Variants in SPOCK1 observed in about 807,000 individuals in gnomAD.
The protein encoded by SPOCK1 is SPARC (osteonectin), cwcv and kazal like domains proteoglycan 1, also known as testican-1.
A neutral mutation model predicts 55.3 loss-of-function variants in SPOCK1; 23 were observed. The ratio of observed to expected loss-of-function variants is 0.42; its 90% CI spans 0.30 to 0.59. The LOEUF (loss-of-function observed/expected upper bound fraction) is 0.59, where lower values mean the gene tolerates loss of function less well. Among genes scored for constraint, SPOCK1 ranks in the 20% least tolerant of loss-of-function variants. The pLI is 0.22. For synonymous variants in SPOCK1, 226 were observed against 221.0 expected (o/e 1.02, Z -0.20); for missense variants, 499 against 552.5 (o/e 0.90, Z 0.97).
At chr5:137,479,018 G>C (rs1418349351) in intron 2 of SPOCK1, among the ~76,000 whole-genome samples, 1 of 151,706 alleles carries the variant, frequency 6.6e-6, no homozygotes, top group Admixed American at 6.6e-5. Context: ...AGAAGGCGGT[G>C]GTCACCAGCC....
intron 2 of SPOCK1, among the ~76,000 whole-genome samples, chr5:137,427,115 T>C (rs1181186634): frequency 6.6e-6 from 1 of 152,200 alleles, no homozygotes; most frequent in Non-Finnish European, 1.5e-5. Flanking sequence ...TCTCATATTC[T>C]TTCCCCATTT....
chr5:137,331,425 G>A (rs976549839), intron 2 of SPOCK1, among the ~76,000 whole-genome samples: 2 of 152,192 alleles, frequency 1.3e-5, no homozygotes, highest in African/African-American at 4.8e-5. Context: ...CAAGAGAGAA[G>A]ATGACTCCAA....
At chr5:137,240,189 C>A (rs762326717) in intron 3 of SPOCK1, among the ~76,000 whole-genome samples, 4 of 152,176 alleles carry the variant, frequency 2.6e-5, no homozygotes, top group Non-Finnish European at 4.4e-5. Flanking sequence ...ATACCATGTT[C>A]TTGGACAGTG....
rs533303509 is a variant in SPOCK1 at position 137,422,543 on chromosome 5, C to A, written c.186+75830G>T. Among the ~76,000 whole-genome samples, 9 of 152,274 alleles carry A rather than the reference C, an allele frequency of 5.9e-5. No individual in the cohort carries two copies. The East Asian group carries it at 1.3e-3, about 23-fold the overall frequency. ...GCATCATTTCATTCATTTGATCTTCCATCACTGATACCCTTTCTTCCAGTT... is the reference window on the plus strand; with the variant it reads ...GCATCATTTCATTCATTTGATCTTCAATCACTGATACCCTTTCTTCCAGTT... On this transcript the variant is annotated intron_variant, in intron 2 of 10. Coordinates refer to ENST00000394945, the MANE Select transcript of SPOCK1 (RefSeq NM_004598.4).
chr5:137,073,987 C>T (rs1752674857), intron 5 of SPOCK1, among the ~76,000 whole-genome samples: 1 of 152,090 alleles, frequency 6.6e-6, no homozygotes, highest in East Asian at 1.9e-4. Context: ...GCATGTGCCT[C>T]CTAATATGCA....
rs910126406 is a variant in SPOCK1, at chr5:137,302,415, A to AAG, written c.187-35361_187-35360insCT. ...AAACCCCGTCTCTACTAAAAATACA[A>AAG]AAAAAAAAAAAATTAGCCAGGTGTG... On this transcript the variant is annotated intron_variant, in intron 2 of 10. Transcript: ENST00000394945. Among the ~76,000 whole-genome samples, 38 of 149,116 alleles carry AAG rather than the reference A, an allele frequency of 2.5e-4. 1 individual carries two copies. Among genetic ancestry groups the AAG allele is most frequent in the Admixed American group, 5.4e-4 (8 of 14,932 alleles).
At chr5:137,193,867 T>C (rs1755238574) in intron 3 of SPOCK1, among the ~76,000 whole-genome samples, 1 of 152,164 alleles carries the variant, frequency 6.6e-6, no homozygotes, top group Non-Finnish European at 1.5e-5. Flanking sequence ...TGGAGGGCTA[T>C]AGGTACAGGG....
chr5:137,429,552 T>C (rs1226966465), intron 2 of SPOCK1, among the ~76,000 whole-genome samples: 1 of 152,220 alleles, frequency 6.6e-6, no homozygotes, highest in East Asian at 1.9e-4. Context: ...GTGCATTCCC[T>C]AGCTCATAGT....
chr5:137,384,669 T>A (rs1207212142), intron 2 of SPOCK1, among the ~76,000 whole-genome samples: 1 of 151,944 alleles, frequency 6.6e-6, no homozygotes, highest in African/African-American at 2.4e-5. Context: ...AATTCTTTCT[T>A]ACCTCTTCCA....
intron 2 of SPOCK1, among the ~76,000 whole-genome samples, chr5:137,327,590 T>G (rs937380123): frequency 6.6e-6 from 1 of 152,234 alleles, no homozygotes; most frequent in Non-Finnish European, 1.5e-5. Flanking sequence ...AGTCTTTCAA[T>G]GGTGTCTTGC....
chr5:137,189,073 A>T (rs1390584185), intron 3 of SPOCK1, among the ~76,000 whole-genome samples: 1 of 152,262 alleles, frequency 6.6e-6, no homozygotes, highest in Non-Finnish European at 1.5e-5. Flanking sequence ...GTTTGAAGCT[A>T]GCAGATATTG....
At chr5:137,192,332 G>A (rs1049218794) in intron 3 of SPOCK1, among the ~76,000 whole-genome samples, 4 of 151,306 alleles carry the variant, frequency 2.6e-5, no homozygotes, top group Non-Finnish European at 5.9e-5. Flanking sequence ...GGAATGAGTT[G>A]TGCAGGAGAG....
intron 2 of SPOCK1, among the ~76,000 whole-genome samples, chr5:137,475,908 G>A (rs1473927610): frequency 1.3e-5 from 2 of 152,054 alleles, no homozygotes; most frequent in South Asian, 2.1e-4. Flanking sequence ...AGATGAAGAT[G>A]TTGTCTCTGT....
chr5:137,154,505 G>A (rs1754377671), intron 3 of SPOCK1, among the ~76,000 whole-genome samples: 2 of 152,166 alleles, frequency 1.3e-5, no homozygotes, highest in Non-Finnish European at 2.9e-5. Context: ...AGAAAATATA[G>A]CAATAGATCT....
chr5:137,079,680 C>A (rs1752842167), intron 5 of SPOCK1, among the ~76,000 whole-genome samples: 1 of 152,176 alleles, frequency 6.6e-6, no homozygotes, highest in African/African-American at 2.4e-5. Context: ...ACTGCTCTGA[C>A]TCTTCAACAA....
intron 3 of SPOCK1, among the ~76,000 whole-genome samples, chr5:137,187,610 T>C (rs1348156502): frequency 2.0e-5 from 3 of 152,106 alleles, no homozygotes; most frequent in Admixed American, 2.0e-4. Flanking sequence ...AACTCATACA[T>C]GTATGGAGTA....
chr5:137,443,370 C>T (rs764166673), intron 2 of SPOCK1, among the ~76,000 whole-genome samples: 7 of 152,192 alleles, frequency 4.6e-5, no homozygotes, highest in Non-Finnish European at 1.0e-4. Flanking sequence ...ACTCATTTCT[C>T]CTTGCCTTTT....
chr5:137,247,175 G>A (rs1288491163), intron 3 of SPOCK1, among the ~76,000 whole-genome samples: 1 of 152,162 alleles, frequency 6.6e-6, no homozygotes, highest in African/African-American at 2.4e-5. Flanking sequence ...ATGGATAAAA[G>A]GCCCATGTGC....
rs188603972 is a variant in SPOCK1, at chr5:137,267,878, G to C, written c.187-823C>G. Among the ~76,000 whole-genome samples the C allele has an allele frequency of 1.9e-4, 29 of 152,326 alleles. No homozygotes were observed. In the Middle Eastern group the frequency reaches 0.017, roughly 89 times the overall value. On this transcript the variant is annotated intron_variant, in intron 2 of 10. Coordinates refer to ENST00000394945, the MANE Select transcript of SPOCK1 (RefSeq NM_004598.4). ...CTGTATCAGCAAAACTGAACAGTTT[G>C]CAAGTTGAAGAGGTGTCACCCATGC... is the stretch of plus-strand genomic sequence containing the variant.
Sources: gnomAD v4.1 joint callset for allele counts (sites outside exome capture counted in the v4.1 genomes callset) on GRCh38, gnomAD v4.1.1 for gene constraint, MANE v1.5 for transcripts, NCBI Gene and HGNC (gene_info 2026-07-23, HGNC 2026-07-21) for gene names.